Variants in ZFAND2A observed in about 807,000 individuals in gnomAD.
ZFAND2A encodes AN1-type zinc finger protein 2A.
Under a neutral mutation model 11.6 loss-of-function variants are expected in ZFAND2A, and 20 were observed. The ratio of observed to expected loss-of-function variants is 1.72; its 90% CI spans 1.21 to 2.50. ZFAND2A has a LOEUF of 2.50. Ranked by LOEUF, ZFAND2A falls within the 30% of genes most tolerant of loss-of-function variation. The probability of loss-of-function intolerance (pLI) is 0.00; values close to 1 mark genes in which losing one functional copy is unlikely to be tolerated. For missense variants in ZFAND2A, 234 were observed against 182.9 expected (o/e 1.28, Z -1.61); for synonymous variants, 93 against 60.6 (o/e 1.54, Z -2.48).
chr7:1,160,121 G>A lies in ZFAND2A; in HGVS notation c.-203C>T, dbSNP rs1027998432. 11 of 152,660 alleles carry A rather than the reference G, an allele frequency of 7.2e-5. No homozygotes were observed. In the East Asian group the frequency reaches 7.7e-4, roughly 11 times the overall value. 9.5% of individuals were successfully genotyped at this position (152,660 alleles called of 1,614,324 possible). On this transcript the variant is annotated 5_prime_UTR_variant, in exon 1 of 5. Transcript: ENST00000316495. ...TCGGAGGCACACCCACACCCACACCGGAACGCAACATCTCGCTGCCCGCGG... is the reference window on the plus strand; with the variant it reads ...TCGGAGGCACACCCACACCCACACCAGAACGCAACATCTCGCTGCCCGCGG...
downstream of ZFAND2A, among the ~76,000 whole-genome samples, chr7:1,150,351 T>G (rs1269425706): frequency 6.6e-6 from 1 of 152,070 alleles, no homozygotes; most frequent in African/African-American, 2.4e-5. Context: ...GCTTGTGTTT[T>G]TGTGAACTGT....
At chr7:1,155,650 C>A (rs539402647) in intron 3 of ZFAND2A, 66 bp from the exon 4 acceptor site, 1 of 1,579,534 alleles carries the variant, frequency 6.3e-7, no homozygotes, top group South Asian at 1.1e-5. Flanking sequence ...AAGTTTTAAA[C>A]GAGTACTCCT....
chr7:1,152,966 C>T lies in ZFAND2A; in HGVS notation c.*103G>A, dbSNP rs1393924576. On this transcript the variant is annotated 3_prime_UTR_variant, in exon 5 of 5. Coordinates refer to ENST00000316495, the MANE Select transcript of ZFAND2A (RefSeq NM_182491.4). The stretch of plus-strand genomic sequence containing the variant: ...CTCCCTCAACAAACAAGATCAGCAG[C>T]CAGTGTGGGATGGTGCTCAATGGGG... The T allele has an allele frequency of 1.4e-6, 2 of 1,455,584 alleles. No individual in the cohort carries two copies. Among genetic ancestry groups the T allele is most frequent in the East Asian group, 2.4e-5 (1 of 41,568 alleles). The allele number at this position is 1,455,584 out of a possible 1,614,324, so 90.2% of individuals were successfully genotyped here. A position where few individuals can be genotyped will look rare whatever the true frequency, so the allele number is the denominator to read the frequency against.
chr7:1,159,107 C>T (rs4075937), intron 1 of ZFAND2A, among the ~76,000 whole-genome samples: 24 of 151,978 alleles, frequency 1.6e-4, no homozygotes, highest in African/African-American at 5.8e-4. Flanking sequence ...CTATGTTACA[C>T]GCCCGCTACT....
intron 4 of ZFAND2A, among the ~76,000 whole-genome samples, chr7:1,153,590 A>G (rs535165713): frequency 7.4e-4 from 113 of 152,340 alleles, no homozygotes; most frequent in African/African-American, 2.6e-3. Flanking sequence ...TAAACTGGAC[A>G]CAGTTCCTGT....
downstream of ZFAND2A, among the ~76,000 whole-genome samples, chr7:1,149,701 G>A (rs1018638013): frequency 7.2e-5 from 11 of 152,310 alleles, no homozygotes; most frequent in South Asian, 4.1e-4. Context: ...CTACAAATGC[G>A]TGCAGAGTGC....
chr7:1,158,153 C>T lies in ZFAND2A; in HGVS notation c.55+5G>A, dbSNP rs183531693. 6.1e-5 allele frequency: 98 copies of T among 1,613,350 alleles called. No individual in the cohort carries two copies. The highest frequency in any genetic ancestry group is 5.9e-6 in the Non-Finnish European group (7 of 1,179,602). On this transcript the variant is annotated splice_donor_5th_base_variant and intron_variant, in intron 2 of 4. Transcript: ENST00000316495. ...TTTTCTATTAAGTCTCTTAAAAGTA[C>T]TCACCTAGCTGCTTGCAAGTCTTTT...
rs1418478514 is a variant in ZFAND2A at position 1,153,011 on chromosome 7, G to A, written c.*58C>T. 1.4e-5 allele frequency: 22 copies of A among 1,606,134 alleles called. No individual in the cohort carries two copies. The highest frequency in any genetic ancestry group is 1.8e-5 in the Non-Finnish European group (21 of 1,175,666). On this transcript the variant is annotated 3_prime_UTR_variant, in exon 5 of 5. Transcript: ENST00000316495. ...ATGGGGCTCCACTTCCCACTAGAGT[G>A]TAAGCTGCTTCCACGCATGCTACTG...
intron 3 of ZFAND2A, 74 bp downstream of exon 3, chr7:1,157,582 T>C: frequency 1.4e-6 from 2 of 1,414,152 alleles, no homozygotes; most frequent in Non-Finnish European, 1.9e-6. Context: ...ACGTCGCTAG[T>C]CCCTACCATA....
intron 4 of ZFAND2A, among the ~76,000 whole-genome samples, chr7:1,154,183 AT>A (rs141971953): frequency 0.18 from 23,586 of 128,766 alleles, 1,889 homozygotes; most frequent in Middle Eastern, 0.29. Flanking sequence ...CCCACCGGTC[AT>A]TTTTTTTTTT....
chr7:1,157,586 T>C, intron 3 of ZFAND2A, 70 bp downstream of exon 3: 1 of 1,439,104 alleles, frequency 6.9e-7, no homozygotes, highest in Non-Finnish European at 9.5e-7. Flanking sequence ...CGCTAGTCCC[T>C]ACCATACCAG....
At chr7:1,149,133 CT>C (rs1793352137), downstream of ZFAND2A, among the ~76,000 whole-genome samples, 1 of 152,126 alleles carries the variant, frequency 6.6e-6, no homozygotes, top group Non-Finnish European at 1.5e-5. Context: ...ATTATCAGAA[CT>C]TTGTTTCTCA....
downstream of ZFAND2A, among the ~76,000 whole-genome samples, chr7:1,149,554 CAT>C (rs1428938524): frequency 9.2e-5 from 14 of 152,340 alleles, no homozygotes; most frequent in Middle Eastern, 3.4e-3. Flanking sequence ...GCAACGGTCA[CAT>C]GTCACCCACC....
downstream of ZFAND2A, among the ~76,000 whole-genome samples, chr7:1,149,450 G>A (rs1407107112): frequency 1.3e-5 from 2 of 152,168 alleles, no homozygotes; most frequent in East Asian, 1.9e-4. Flanking sequence ...CCTCGGGGTG[G>A]GGTCCAGCAC....
intron 3 of ZFAND2A, 72 bp from the exon 4 acceptor site, chr7:1,155,656 C>A: frequency 6.4e-7 from 1 of 1,563,882 alleles, no homozygotes; most frequent in Non-Finnish European, 8.7e-7. Context: ...TAAACGAGTA[C>A]TCCTGTGCGG....
At chr7:1,149,714 C>T (rs1320562128), downstream of ZFAND2A, among the ~76,000 whole-genome samples, 1 of 152,240 alleles carries the variant, frequency 6.6e-6, no homozygotes, top group African/African-American at 2.4e-5. Context: ...CAGAGTGCTA[C>T]TGCGCTGAAT....
In ZFAND2A at chr7:1,155,572, G is replaced by C. The variant is rs780494809; in HGVS notation, c.163C>G (p.Pro55Ala). ...GGGGTATTACAGAGTGGGCATACTG[G>C]GACGTGAACATCCTAAAAATAACAA... The part of the protein sequence containing the change: ...PFAFQKDVHV[P>A]VCPLCNTPIP... Residue 55 changes from proline (P) to alanine (A), a missense_variant, in exon 4 of 5, where the codon CCA becomes GCA. Pro to Ala is a conservative substitution (Grantham distance 27). Coordinates refer to ENST00000316495, the MANE Select transcript of ZFAND2A (RefSeq NM_182491.4). The C allele has an allele frequency of 1.2e-6, 2 of 1,611,670 alleles. No homozygotes were observed. Among genetic ancestry groups the C allele is most frequent in the East Asian group, 4.5e-5 (2 of 44,862 alleles).
intron 2 of ZFAND2A, 61 bp downstream of exon 2, chr7:1,158,097 G>T: frequency 6.6e-7 from 1 of 1,518,792 alleles, no homozygotes; most frequent in Non-Finnish European, 9.1e-7. Context: ...CTAATTAACA[G>T]AACAGCCAGC....
At chr7:1,155,679 C>G (rs1793509897) in intron 3 of ZFAND2A, 95 bp from the exon 4 acceptor site, 1 of 1,494,526 alleles carries the variant, frequency 6.7e-7, no homozygotes, top group Non-Finnish European at 9.0e-7. Context: ...CACTTAAACA[C>G]AAAGAGAGGA....
Sources: gnomAD v4.1 joint callset for allele counts (sites outside exome capture counted in the v4.1 genomes callset) on GRCh38, gnomAD v4.1.1 for gene constraint, MANE v1.5 for transcripts, NCBI Gene and HGNC (gene_info 2026-07-23, HGNC 2026-07-21) for gene names.